The following MYT1L variants were observed in gnomAD, a reference collection of about 807,000 sequenced individuals.
MYT1L encodes the protein myelin transcription factor 1-like protein.
MYT1L carries 12 observed loss-of-function variants against 126.7 expected under a neutral mutation model. That is an observed-to-expected ratio of 0.09 (90% CI 0.06 to 0.15). The LOEUF (loss-of-function observed/expected upper bound fraction) is 0.15. Among genes scored for constraint, MYT1L ranks in the 10% least tolerant of loss-of-function variants. The pLI is 1.00. For missense variants in MYT1L, 979 were observed against 1,585.2 expected (o/e 0.62, Z 6.49); for synonymous variants, 541 against 604.2 (o/e 0.90, Z 1.53).
In MYT1L at chr2:1,912,067, G is replaced by A. The variant is rs571581328; in HGVS notation, c.1662C>T (p.Gly554=). 2.9e-5 allele frequency: 46 copies of A among 1,597,262 alleles called. No homozygotes were observed. In the South Asian group the frequency reaches 5.2e-4, roughly 18 times the overall value. Residue 554 remains glycine (G), a synonymous_variant, in exon 12 of 25, where the codon GGC becomes GGT. Coordinates refer to ENST00000647738, the MANE Select transcript of MYT1L (RefSeq NM_001303052.2). This position sits in a 1 kb window ranked among gnomAD's most constrained non-coding sequence, Gnocchi z 4.3. ...TGTTGACATGCCCGCGCCCCGTGCA[G>A]CCCGGAGTGGGGCACTTGAGGACAC... ...HESVLKCPTP[G]CTGRGHVNSN... is the part of the protein sequence containing the mutation.
At chr2:2,179,708 G>C (rs2091208714) in intron 2 of MYT1L, among the ~76,000 whole-genome samples, 1 of 152,160 alleles carries the variant, frequency 6.6e-6, no homozygotes, top group South Asian at 2.1e-4. Flanking sequence ...ACTGTAGCCT[G>C]GTTCCTAGGT....
intron 2 of MYT1L, among the ~76,000 whole-genome samples, chr2:2,234,042 CT>C (rs1449595763): frequency 6.6e-6 from 1 of 152,202 alleles, no homozygotes; most frequent in Non-Finnish European, 1.5e-5. Flanking sequence ...TGAAATCAAT[CT>C]ACTATGAAAG....
chr2:2,185,851 C>T (rs1354608041), intron 2 of MYT1L, among the ~76,000 whole-genome samples: 2 of 135,438 alleles, frequency 1.5e-5, no homozygotes, highest in Non-Finnish European at 3.1e-5. Flanking sequence ...GGGACGCAGC[C>T]GGGCCTCCCA....
At chr2:2,008,059 G>GC (rs1466394581) in intron 4 of MYT1L, among the ~76,000 whole-genome samples, 1 of 152,058 alleles carries the variant, frequency 6.6e-6, no homozygotes, top group Non-Finnish European at 1.5e-5. Context: ...CAGGTTTTTT[G>GC]CATGTCTGAC....
At chr2:2,041,961 T>C (rs1178063154) in intron 4 of MYT1L, among the ~76,000 whole-genome samples, 1 of 152,180 alleles carries the variant, frequency 6.6e-6, no homozygotes, top group Non-Finnish European at 1.5e-5. Context: ...CCCCTAGCTC[T>C]TTTACCAAAA....
intron 4 of MYT1L, among the ~76,000 whole-genome samples, chr2:2,024,477 G>T (rs1232747341): frequency 5.3e-5 from 8 of 152,144 alleles, no homozygotes; most frequent in Admixed American, 1.3e-4. Flanking sequence ...TTTCCAAGCT[G>T]CTCTTTCTAT....
intron 21 of MYT1L, among the ~76,000 whole-genome samples, chr2:1,832,331 G>C (rs1262820198): frequency 2.6e-5 from 4 of 152,164 alleles, no homozygotes; most frequent in Non-Finnish European, 4.4e-5. Context: ...TCCAGCCCAG[G>C]GACAGGGGAT....
At chr2:2,325,555 G>A (rs948621077) in intron 1 of MYT1L, 2 of 152,180 alleles carry the variant, frequency 1.3e-5, no homozygotes, top group African/African-American at 4.8e-5. Context: ...TTAAAAAAGT[G>A]CTGATTTTAT....
At chr2:2,107,599 G>GTTT (rs144097801) in intron 3 of MYT1L, among the ~76,000 whole-genome samples, 1 of 149,842 alleles carries the variant, frequency 6.7e-6, no homozygotes, top group African/African-American at 2.5e-5. Context: ...TTTTTACGGA[G>GTTT]TTTTTTTTTT....
At chr2:2,252,144 T>C (rs1370202898) in intron 2 of MYT1L, among the ~76,000 whole-genome samples, 2 of 152,320 alleles carry the variant, frequency 1.3e-5, no homozygotes, top group African/African-American at 4.8e-5. Context: ...AGGCTCTCTC[T>C]GCTGCCCTGT....
At chr2:1,978,984 C>T (rs902170681) in intron 8 of MYT1L, among the ~76,000 whole-genome samples, 181 bp downstream of exon 8, 4 of 152,046 alleles carry the variant, frequency 2.6e-5, no homozygotes, top group East Asian at 1.9e-4. Context: ...CGAGATCGAA[C>T]GGCTTATGTT....
chr2:2,028,973 T>A (rs2149896623), intron 4 of MYT1L, among the ~76,000 whole-genome samples: 1 of 152,330 alleles, frequency 6.6e-6, no homozygotes. Context: ...TCACTTGGTC[T>A]CTCTAAGCCT....
chr2:1,904,297 G>T (rs1179491457), intron 13 of MYT1L, among the ~76,000 whole-genome samples: 2 of 152,132 alleles, frequency 1.3e-5, no homozygotes, highest in African/African-American at 2.4e-5. Context: ...GTCTCACCGG[G>T]CTCAAGGCTT....
At chr2:2,321,304 A>G (rs2096160656) in intron 1 of MYT1L, among the ~76,000 whole-genome samples, 1 of 152,166 alleles carries the variant, frequency 6.6e-6, no homozygotes, top group African/African-American at 2.4e-5. Context: ...AATGTTCACA[A>G]TCTACCAGGC....
At chr2:2,310,198 A>G (rs757793919) in intron 1 of MYT1L, among the ~76,000 whole-genome samples, 2 of 148,710 alleles carry the variant, frequency 1.3e-5, no homozygotes, top group Non-Finnish European at 3.0e-5. Flanking sequence ...CCACCTATAC[A>G]TTGGTATACT....
chr2:2,017,290 T>C (rs2064522813), intron 4 of MYT1L, among the ~76,000 whole-genome samples: 1 of 152,248 alleles, frequency 6.6e-6, no homozygotes, highest in South Asian at 2.1e-4. Flanking sequence ...TTTGCAAAAG[T>C]TATTCAGGAG....
intron 8 of MYT1L, among the ~76,000 whole-genome samples, chr2:1,959,394 C>T (rs1381242166): frequency 6.6e-6 from 1 of 152,152 alleles, no homozygotes; most frequent in Non-Finnish European, 1.5e-5. Flanking sequence ...TGTGAAAGTC[C>T]CTCCTGGAGA....
intron 1 of MYT1L, among the ~76,000 whole-genome samples, chr2:2,320,203 T>G (rs2096137388): frequency 6.6e-6 from 1 of 152,070 alleles, no homozygotes; most frequent in African/African-American, 2.4e-5. Context: ...TCTTGAGCAC[T>G]GAGTGTCTTC....
chr2:2,033,117 ACACACCC>A (rs2066558856), intron 4 of MYT1L, among the ~76,000 whole-genome samples: 2 of 115,254 alleles, frequency 1.7e-5, no homozygotes, highest in African/African-American at 6.8e-5. Context: ...AGGGCCTTAC[ACACACCC>A]CACACCCCTC....
Sources: allele counts gnomAD v4.1 joint callset (sites outside exome capture counted in the v4.1 genomes callset), GRCh38; gene constraint gnomAD v4.1.1; non-coding constraint Gnocchi (gnomAD v3.1); transcripts MANE v1.5; gene names NCBI Gene and HGNC (gene_info 2026-07-23, HGNC 2026-07-21).